The following KIF9 variants were observed in gnomAD, a reference collection of about 807,000 sequenced individuals.
The protein encoded by KIF9 is kinesin family member 9, also known as kinesin-like protein KIF9.
KIF9 carries 68 observed loss-of-function variants against 94.8 expected under a neutral mutation model. That is an observed-to-expected ratio of 0.72 (90% CI 0.59 to 0.88). The LOEUF (loss-of-function observed/expected upper bound fraction) is 0.88, where lower values mean the gene tolerates loss of function less well. Ranked by LOEUF, KIF9 falls within the 40% of genes least tolerant of loss-of-function variation. The pLI is 0.00. For missense variants in KIF9, 882 were observed against 982.5 expected, an observed-to-expected ratio of 0.90 and a Z score of 1.37; for synonymous variants, 343 against 362.1, an observed-to-expected ratio of 0.95 and a Z score of 0.60.
Position 47,247,419 on chromosome 3 carries a change from T to C in KIF9, c.1187A>G (p.Asn396Ser), listed in dbSNP as rs747203409. The C allele has an allele frequency of 8.1e-6, 13 of 1,613,506 alleles. No homozygotes were observed. Among genetic ancestry groups the C allele is most frequent in the East Asian group, 2.2e-5 (1 of 44,862 alleles). The change falls in exon 12 of 21, where the codon AAC becomes AGC. Residue 396 changes from asparagine (N) to serine (S), a missense_variant. Transcript: ENST00000684063. ...PMDEIQIAEI[N>S]SQVRRYLEGT... ...CTCCAGGTACCTCCGCACCTGGGAG[T>C]TGATCTCAGCAATCTGGATTTCATC...
chr3:47,238,562 A>C (rs151179397), intron 17 of KIF9: 41 of 152,138 alleles, frequency 2.7e-4, no homozygotes, highest in African/African-American at 9.6e-4. Context: ...AAATTCAATA[A>C]AATAAAGGTA....
rs570224768 is a variant in KIF9 at position 47,248,192 on chromosome 3, T to C, written c.1060-106A>G. The C allele has an allele frequency of 5.5e-5, 44 of 796,444 alleles. No individual in the cohort carries two copies. In the African/African-American group the frequency reaches 7.3e-4, roughly 13 times the overall value. The allele number at this position is 796,444 out of a possible 1,614,324, so 49.3% of individuals were successfully genotyped here. On this transcript the variant is annotated intron_variant, in intron 10 of 20. Coordinates refer to ENST00000684063, the MANE Select transcript of KIF9 (RefSeq NM_182902.4). Reference sequence around the variant, plus strand: ...CAATTCCTCATTCTGTGCCCAGACATCCTGGCCATTCCTGGATCCACAGGG... The same window carrying C: ...CAATTCCTCATTCTGTGCCCAGACACCCTGGCCATTCCTGGATCCACAGGG...
intron 10 of KIF9, among the ~76,000 whole-genome samples, chr3:47,252,448 T>G (rs1260547826): frequency 6.6e-6 from 1 of 151,030 alleles, no homozygotes; most frequent in East Asian, 1.9e-4. Context: ...AAAAAAAAAT[T>G]AAGTCAGGCG....
chr3:47,282,561 C>A lies in KIF9; in HGVS notation c.-72G>T, dbSNP rs1471310517. On this transcript the variant is annotated 5_prime_UTR_variant, in exon 1 of 21. Coordinates refer to ENST00000684063, the MANE Select transcript of KIF9 (RefSeq NM_182902.4). ...ACCGAAACCACCTGCACTCCCCACG[C>A]GGGGCTGCCTGGCTGTGTACATAGT... is the stretch of plus-strand genomic sequence containing the variant. 2 of 1,021,056 alleles carry A rather than the reference C, an allele frequency of 2.0e-6. No homozygotes were observed. Among genetic ancestry groups the A allele is most frequent in the Non-Finnish European group, 2.4e-6 (2 of 850,448 alleles). The allele number at this position is 1,021,056 out of a possible 1,614,324, so 63.2% of individuals were successfully genotyped here. A position where few individuals can be genotyped will look rare whatever the true frequency, so the allele number is the denominator to read the frequency against.
intron 20 of KIF9, among the ~76,000 whole-genome samples, chr3:47,231,250 T>C (rs1458784269): frequency 6.6e-6 from 1 of 151,894 alleles, no homozygotes; most frequent in Non-Finnish European, 1.5e-5. Flanking sequence ...ACTCAATGAA[T>C]AGGAACAGAA....
At chr3:47,263,960 C>T (rs1701134895) in intron 9 of KIF9, 3 of 492,752 alleles carry the variant, frequency 6.1e-6, no homozygotes, top group South Asian at 3.1e-5. Flanking sequence ...ACCAACGATC[C>T]TTCTTGATCC....
chr3:47,246,487 C>T, intron 12 of KIF9: 1 of 323,060 alleles, frequency 3.1e-6, no homozygotes, highest in East Asian at 4.9e-5. Flanking sequence ...ATAAAAACCA[C>T]CTTTTCGAAG....
intron 20 of KIF9, 79 bp from the exon 21 acceptor site, chr3:47,228,781 T>C (rs754168357): frequency 1.0e-5 from 11 of 1,104,318 alleles, no homozygotes; most frequent in African/African-American, 4.6e-5. Flanking sequence ...GCCACTCACA[T>C]TCACCCTATC....
chr3:47,273,505 G>A, intron 4 of KIF9, 47 bp downstream of exon 4: 1 of 1,442,814 alleles, frequency 6.9e-7, no homozygotes, highest in South Asian at 1.3e-5. Context: ...ATCTATGGCA[G>A]AGAGAGGGAA....
At chr3:47,261,527 T>G (rs529595326) in intron 9 of KIF9, among the ~76,000 whole-genome samples, 37 of 152,286 alleles carry the variant, frequency 2.4e-4, no homozygotes, top group African/African-American at 7.5e-4. Flanking sequence ...CCTCAGGCCA[T>G]GCTGGGCTGT....
At chr3:47,262,704 A>G (rs188208680) in intron 9 of KIF9, among the ~76,000 whole-genome samples, 18 of 151,678 alleles carry the variant, frequency 1.2e-4, no homozygotes, top group African/African-American at 4.1e-4. Flanking sequence ...CGACAGGAGC[A>G]CTCTCCTTGG....
intron 10 of KIF9, among the ~76,000 whole-genome samples, chr3:47,251,231 G>A (rs1164446063): frequency 1.3e-5 from 2 of 152,180 alleles, no homozygotes; most frequent in Non-Finnish European, 2.9e-5. Flanking sequence ...TGTTCAGTGA[G>A]GCACAGCAGA....
Position 47,240,980 on chromosome 3 carries a change from T to C in KIF9, c.1745A>G (p.Glu582Gly), listed in dbSNP as rs772300602. The C allele has an allele frequency of 6.2e-6, 10 of 1,614,062 alleles. No individual in the cohort carries two copies. Among genetic ancestry groups the C allele is most frequent in the Non-Finnish European group, 8.5e-6 (10 of 1,180,046 alleles). Reference protein sequence around the residue: ...DTPPSKPVAFEEFKNEQGSEI... With the variant: ...DTPPSKPVAFGEFKNEQGSEI... ...ACTACCTTGCTCATTCTTAAACTCC[T>C]CAAAGGCCACTGGTTTGGAGGGTGG... Residue 582 changes from glutamate to glycine, a missense_variant, in exon 17 of 21, where the codon GAG becomes GGG. Glu to Gly is a moderately conservative substitution (Grantham distance 98). Coordinates refer to ENST00000684063, the MANE Select transcript of KIF9 (RefSeq NM_182902.4).
chr3:47,246,282 G>A (rs1699921420), intron 12 of KIF9, 30 bp from the exon 13 acceptor site: 2 of 1,599,480 alleles, frequency 1.3e-6, no homozygotes, highest in East Asian at 2.2e-5. Context: ...GCAGAGGTTA[G>A]ACCAAGGGCA....
In KIF9 at chr3:47,277,885, TAATA is replaced by T. The variant is rs372602721; in HGVS notation, c.-5-510_-5-507del. On this transcript the variant is annotated intron_variant, in intron 1 of 20. Transcript: ENST00000684063. Reference sequence around the variant, plus strand: ...ATGACCCAGACGTATATTTGGTCCATAATAAATATTCTTTCTTCTCTTACTATAT... The same window carrying T: ...ATGACCCAGACGTATATTTGGTCCATAATATTCTTTCTTCTCTTACTATAT... Among the ~76,000 whole-genome samples, 134 of 152,286 alleles carry T rather than the reference TAATA, an allele frequency of 8.8e-4. 2 individuals carry two copies. The highest frequency in any genetic ancestry group is 3.0e-3 in the African/African-American group (125 of 41,554).
Position 47,265,851 on chromosome 3 carries a change from G to A in KIF9, c.795C>T (p.Ala265=). The A allele has an allele frequency of 1.2e-6, 2 of 1,614,144 alleles. No individual in the cohort carries two copies. The highest frequency in any genetic ancestry group is 1.7e-6 in the Non-Finnish European group (2 of 1,180,044). ...SGSEGQVLKE[A]TYINKSLSFL... is the part of the protein sequence containing the mutation. ...ATGAGAGCGATTTGTTGATGTAGGTGGCTTCCTTCAGGACTTGGCCCTCAG... is the reference window on the plus strand; with the variant it reads ...ATGAGAGCGATTTGTTGATGTAGGTAGCTTCCTTCAGGACTTGGCCCTCAG... Residue 265 remains alanine, a synonymous_variant, in exon 8 of 21, where the codon GCC becomes GCT. Coordinates refer to ENST00000684063, the MANE Select transcript of KIF9 (RefSeq NM_182902.4).
intron 17 of KIF9, among the ~76,000 whole-genome samples, chr3:47,238,963 G>A (rs976196059): frequency 1.3e-5 from 2 of 152,200 alleles, no homozygotes; most frequent in Non-Finnish European, 2.9e-5. Flanking sequence ...GCGCCCAGCC[G>A]AAAATCGGGC....
chr3:47,232,201 C>T (rs1254582810), intron 20 of KIF9, among the ~76,000 whole-genome samples: 1 of 152,200 alleles, frequency 6.6e-6, no homozygotes, highest in Non-Finnish European at 1.5e-5. Context: ...GAGGGCAAAC[C>T]CTTACTAGCC....
intron 16 of KIF9, among the ~76,000 whole-genome samples, chr3:47,241,888 T>A (rs35932131): frequency 0.083 from 1,128 of 13,592 alleles, 14 homozygotes; most frequent in East Asian, 0.18. Flanking sequence ...ATATATATTT[T>A]TTTTTTTTTT....
Sources: allele counts gnomAD v4.1 joint callset (sites outside exome capture counted in the v4.1 genomes callset), GRCh38; gene constraint gnomAD v4.1.1; transcripts MANE v1.5; gene names NCBI Gene and HGNC (gene_info 2026-07-23, HGNC 2026-07-21).